Variants in MBD2 observed in about 807,000 individuals in gnomAD.
The protein encoded by MBD2 is methyl-CpG-binding domain protein 2.
A neutral mutation model predicts 39.3 loss-of-function variants in MBD2; 9 were observed. That is an observed-to-expected ratio of 0.23 (90% CI 0.14 to 0.40). MBD2 has a LOEUF of 0.40. MBD2 is among the 10% of genes least tolerant of loss of function. The probability of loss-of-function intolerance (pLI) is 1.00; values close to 1 mark genes in which losing one functional copy is unlikely to be tolerated. For synonymous variants in MBD2, 233 were observed against 211.1 expected (o/e 1.10, Z -0.90); for missense variants, 458 against 532.6 (o/e 0.86, Z 1.38).
chr18:54,152,859 C>A lies in MBD2; in HGVS notation c.*2465G>T, dbSNP rs2143902011. 6.6e-6 allele frequency: 1 copy of A among 152,328 alleles called. No individual in the cohort carries two copies. Among genetic ancestry groups the A allele is most frequent in the Admixed American group, 6.5e-5 (1 of 15,302 alleles). 9.4% of individuals were successfully genotyped at this position (152,328 alleles called of 1,614,324 possible). Reference sequence around the variant, plus strand: ...TTATTCCTATTTCACTGAGGAGGGACAGGCTCAAAGAGATTAAATAACCTG... The same window carrying A: ...TTATTCCTATTTCACTGAGGAGGGAAAGGCTCAAAGAGATTAAATAACCTG... On this transcript the variant is annotated 3_prime_UTR_variant, in exon 7 of 7. Transcript: ENST00000256429.
At position 54,153,788 on chromosome 18, in the gene MBD2, A is replaced by G. The variant is rs1375911793; in HGVS notation, c.*1536T>C. 6.6e-6 allele frequency: 1 copy of G among 152,256 alleles called. No homozygotes were observed. The highest frequency in any genetic ancestry group is 1.5e-5 in the Non-Finnish European group (1 of 68,054). The allele number at this position is 152,256 out of a possible 1,614,324, so 9.4% of individuals were successfully genotyped here. A position where few individuals can be genotyped will look rare whatever the true frequency, so the allele number is the denominator to read the frequency against. On this transcript the variant is annotated 3_prime_UTR_variant, in exon 7 of 7. Coordinates refer to ENST00000256429, the MANE Select transcript of MBD2 (RefSeq NM_003927.5). ...CCAGGGTCTACAAGTTTCCCTGCTC[A>G]TCCACCAGCAGGACTGCTTCAAGGA...
At chr18:54,211,176 T>A (rs897934904) in intron 1 of MBD2, among the ~76,000 whole-genome samples, 7 of 152,052 alleles carry the variant, frequency 4.6e-5, no homozygotes, top group Admixed American at 3.9e-4. Context: ...CGGCCAACTT[T>A]CTATTTTTTA....
chr18:54,197,316 A>G (rs1351906217), intron 2 of MBD2, among the ~76,000 whole-genome samples: 1 of 152,188 alleles, frequency 6.6e-6, no homozygotes, highest in Admixed American at 6.5e-5. Context: ...ACTATTCCTT[A>G]TGCTGGCTGG....
At chr18:54,176,662 C>T (rs553590950) in intron 3 of MBD2, among the ~76,000 whole-genome samples, 1 of 152,300 alleles carries the variant, frequency 6.6e-6, no homozygotes, top group Admixed American at 6.5e-5. Context: ...TTCCAATCAG[C>T]CCCATATAGT....
intron 2 of MBD2, chr18:54,203,271 C>A: frequency 1.2e-6 from 1 of 830,952 alleles, no homozygotes; most frequent in Non-Finnish European, 1.8e-6. Flanking sequence ...AATACTGAAG[C>A]CCCTTTTATA....
chr18:54,222,243 T>C (rs756692385), intron 1 of MBD2: 14 of 415,306 alleles, frequency 3.4e-5, no homozygotes, highest in Non-Finnish European at 6.7e-5. Context: ...AGAAAACTAA[T>C]CTTTTTTTAA....
At chr18:54,213,226 C>G (rs996829688) in intron 1 of MBD2, among the ~76,000 whole-genome samples, 3 of 152,128 alleles carry the variant, frequency 2.0e-5, no homozygotes, top group Admixed American at 6.5e-5. Flanking sequence ...CCGGGAGGTA[C>G]AGCAGGAGAC....
At chr18:54,223,967 C>CCCTGACCCCGG in intron 1 of MBD2, 51 bp downstream of exon 1, 3 of 1,474,548 alleles carry the variant, frequency 2.0e-6, no homozygotes, top group Non-Finnish European at 2.8e-6. Context: ...CGCTCTTGAC[C>CCCTGACCCCGG]CCTGACCCCG....
chr18:54,193,994 T>C (rs1017009844), intron 2 of MBD2, among the ~76,000 whole-genome samples: 2 of 152,128 alleles, frequency 1.3e-5, no homozygotes, highest in Admixed American at 1.3e-4. Context: ...GGCCTAATTA[T>C]TGTGTAACCT....
At position 54,224,635 on chromosome 18, in the gene MBD2, C is replaced by G; in HGVS notation, c.-76G>C. On this transcript the variant is annotated 5_prime_UTR_variant, in exon 1 of 7. Coordinates refer to ENST00000256429, the MANE Select transcript of MBD2 (RefSeq NM_003927.5). ...GAATCCCGGAGACCCGCCCCGCCCG[C>G]AGCGCGGCGCGCGGGGGACGCGCGC... is the stretch of plus-strand genomic sequence containing the variant. The G allele has an allele frequency of 6.5e-6, 7 of 1,069,242 alleles. No individual in the cohort carries two copies. Among genetic ancestry groups the G allele is most frequent in the Non-Finnish European group, 8.3e-6 (7 of 840,250 alleles). 66.2% of individuals were successfully genotyped at this position (1,069,242 alleles called of 1,614,324 possible). A position where few individuals can be genotyped will look rare whatever the true frequency, so the allele number is the denominator to read the frequency against.
At chr18:54,200,140 TATG>T (rs2086394824) in intron 2 of MBD2, among the ~76,000 whole-genome samples, 1 of 151,994 alleles carries the variant, frequency 6.6e-6, no homozygotes, top group South Asian at 2.1e-4. Context: ...TTCAAGAAAA[TATG>T]ATGTTCTTTA....
chr18:54,218,376 C>T (rs2086579800), intron 1 of MBD2, among the ~76,000 whole-genome samples: 1 of 152,140 alleles, frequency 6.6e-6, no homozygotes, highest in Admixed American at 6.5e-5. Context: ...AAAATTTACC[C>T]TTTGACATCT....
intron 3 of MBD2, among the ~76,000 whole-genome samples, chr18:54,182,256 A>G (rs1169811624): frequency 6.6e-6 from 1 of 152,242 alleles, no homozygotes; most frequent in African/African-American, 2.4e-5. Flanking sequence ...GAATAACCTA[A>G]TATAGTTGTG....
chr18:54,188,267 G>A (rs967477291), intron 3 of MBD2, among the ~76,000 whole-genome samples: 1 of 152,140 alleles, frequency 6.6e-6, no homozygotes, highest in Admixed American at 6.5e-5. Context: ...GGGCTATATG[G>A]CATTAACAGG....
At position 54,183,054 on chromosome 18, in the gene MBD2, G is replaced by T. The variant is rs564895436; in HGVS notation, c.840+5820C>A. Among the ~76,000 whole-genome samples, 16 of 152,332 alleles carry T rather than the reference G, an allele frequency of 1.1e-4. 2 individuals carry two copies. Among genetic ancestry groups the T allele is most frequent in the African/African-American group, 3.4e-4 (14 of 41,576 alleles). On this transcript the variant is annotated intron_variant, in intron 3 of 6. Coordinates refer to ENST00000256429, the MANE Select transcript of MBD2 (RefSeq NM_003927.5). ...GATAGGACTTGCTGGCTAAATAGAC[G>T]CTTGGGGTGAAAGATAGGAAGAATC...
chr18:54,216,659 C>T (rs967646153), intron 1 of MBD2, among the ~76,000 whole-genome samples: 11 of 152,204 alleles, frequency 7.2e-5, no homozygotes, highest in African/African-American at 2.2e-4. Context: ...GAGATGAATG[C>T]CTGTTAAAAA....
intron 3 of MBD2, among the ~76,000 whole-genome samples, chr18:54,178,308 A>G (rs1469633832): frequency 2.6e-5 from 4 of 152,344 alleles, no homozygotes; most frequent in East Asian, 3.9e-4. Flanking sequence ...AAACAGAAAT[A>G]CCAAAAAATA....
intron 5 of MBD2, among the ~76,000 whole-genome samples, 182 bp downstream of exon 5, chr18:54,164,341 T>C (rs770650378): frequency 3.9e-5 from 6 of 152,204 alleles, no homozygotes; most frequent in Non-Finnish European, 7.4e-5. Flanking sequence ...TTCAAGCATG[T>C]ATTTGTTATA....
At chr18:54,171,302 C>A (rs1300717125) in intron 3 of MBD2, among the ~76,000 whole-genome samples, 1 of 151,916 alleles carries the variant, frequency 6.6e-6, no homozygotes, top group Non-Finnish European at 1.5e-5. Context: ...GAAGCTGAGG[C>A]AGGAGAATCA....
Sources: gnomAD v4.1 joint callset for allele counts (sites outside exome capture counted in the v4.1 genomes callset) on GRCh38, gnomAD v4.1.1 for gene constraint, MANE v1.5 for transcripts, NCBI Gene and HGNC (gene_info 2026-07-23, HGNC 2026-07-21) for gene names.